Variants in CCDC171 observed in about 807,000 individuals in gnomAD.
CCDC171 encodes the protein coiled-coil domain containing 171, also known as coiled-coil domain-containing protein 171.
In CCDC171, 177 loss-of-function variants were observed where a neutral mutation model predicts 168.2. The observed-to-expected ratio is 1.05, with a 90% CI of 0.93 to 1.19. CCDC171 has a LOEUF of 1.19. Ranked by LOEUF, CCDC171 falls within the 50% of genes most tolerant of loss-of-function variation. CCDC171 has a pLI of 0.00. For missense variants in CCDC171, 1,991 were observed against 1,539.0 expected, an observed-to-expected ratio of 1.29 and a Z score of -4.91; for synonymous variants, 687 against 540.8, an observed-to-expected ratio of 1.27 and a Z score of -3.75.
rs369980872 is a variant in CCDC171, at chr9:15,948,003, G to A, written c.3754-23606G>A. 7.2e-4 allele frequency among the ~76,000 whole-genome samples: 106 copies of A among 146,778 alleles called. 3 individuals are homozygous for A. The East Asian group carries it at 0.017, about 24-fold the overall frequency. On this transcript the variant is annotated intron_variant, in intron 25 of 25. Coordinates refer to ENST00000380701, the MANE Select transcript of CCDC171 (RefSeq NM_173550.4). Reference sequence around the variant, plus strand: ...CCCCCACCCCACAACAGTCCCCACAGTGTGATGTTCCCCTTCCTGTGTCCA... The same window carrying A: ...CCCCCACCCCACAACAGTCCCCACAATGTGATGTTCCCCTTCCTGTGTCCA...
At chr9:15,696,899 C>G (rs923025057) in intron 11 of CCDC171, among the ~76,000 whole-genome samples, 10 of 152,018 alleles carry the variant, frequency 6.6e-5, no homozygotes, top group Non-Finnish European at 1.5e-4. Flanking sequence ...GGAATGTGTT[C>G]CTGCGAAAGG....
chr9:16,052,797 C>G (rs749291330), intron 1 of CCDC171, among the ~76,000 whole-genome samples: 1 of 151,818 alleles, frequency 6.6e-6, no homozygotes, highest in Non-Finnish European at 1.5e-5. Flanking sequence ...CCCAACCCAC[C>G]GCCCCCCATT....
intron 22 of CCDC171, among the ~76,000 whole-genome samples, chr9:15,847,578 G>C (rs1307726667): frequency 6.6e-6 from 1 of 151,984 alleles, no homozygotes; most frequent in Non-Finnish European, 1.5e-5. Flanking sequence ...CAACAGCATG[G>C]CTTAAAGAAA....
intron 6 of CCDC171, among the ~76,000 whole-genome samples, chr9:16,023,099 T>C (rs1457760614): frequency 1.3e-5 from 2 of 151,974 alleles, no homozygotes; most frequent in Admixed American, 6.6e-5. Flanking sequence ...TTCATTGTAT[T>C]CTTTTTTTTT....
chr9:15,842,083 C>A (rs2060703889), intron 21 of CCDC171, among the ~76,000 whole-genome samples: 1 of 151,850 alleles, frequency 6.6e-6, no homozygotes, highest in Admixed American at 6.6e-5. Context: ...CTTTTTTCCC[C>A]CTGCAAGGAA....
At chr9:15,858,431 AT>A (rs1258237232) in intron 23 of CCDC171, among the ~76,000 whole-genome samples, 1 of 152,016 alleles carries the variant, frequency 6.6e-6, no homozygotes, top group African/African-American at 2.4e-5. Context: ...GAAGTTTAGA[AT>A]TGCTTTTTCT....
intron 25 of CCDC171, among the ~76,000 whole-genome samples, chr9:15,932,395 ATTTC>A (rs1330821101): frequency 6.6e-6 from 1 of 151,510 alleles, no homozygotes; most frequent in Non-Finnish European, 1.5e-5. Flanking sequence ...TGTTTTCTTT[ATTTC>A]TTTTTCAGAT....
At chr9:15,596,016 T>A (rs1204748539) in intron 6 of CCDC171, among the ~76,000 whole-genome samples, 4 of 152,210 alleles carry the variant, frequency 2.6e-5, no homozygotes, top group Admixed American at 1.3e-4. Flanking sequence ...GTAAATTTGT[T>A]TGAGTTCTTT....
chr9:15,839,999 A>T (rs1356321621), intron 21 of CCDC171, among the ~76,000 whole-genome samples: 3 of 152,102 alleles, frequency 2.0e-5, no homozygotes, highest in Non-Finnish European at 4.4e-5. Context: ...ATTGAATTTT[A>T]TTGAGTTGGT....
At chr9:16,060,586 CT>C (rs1022033281) in intron 1 of CCDC171, 1 of 152,276 alleles carries the variant, frequency 6.6e-6, no homozygotes, top group Admixed American at 6.5e-5. Context: ...CTTTGCCCTT[CT>C]GTGTCAGCCC....
In CCDC171 at chr9:15,726,724, C is replaced by T. The variant is rs994441868; in HGVS notation, c.1693-1145C>T. ...ATAATTTCTAATTATAAAACTTTTA[C>T]ATATGCTATATTCAGTTTTTTAAAA... On this transcript the variant is annotated intron_variant, in intron 14 of 25. Transcript: ENST00000380701. 9.0e-4 allele frequency among the ~76,000 whole-genome samples: 137 copies of T among 152,172 alleles called. 1 individual carries two copies. Among genetic ancestry groups the T allele is most frequent in the African/African-American group, 2.6e-3 (107 of 41,552 alleles).
intron 3 of CCDC171, among the ~76,000 whole-genome samples, chr9:15,983,273 G>C (rs1368800396): frequency 6.6e-6 from 1 of 151,988 alleles, no homozygotes; most frequent in Non-Finnish European, 1.5e-5. Context: ...CAGCCACAGA[G>C]AACTGGAAAC....
intron 25 of CCDC171, among the ~76,000 whole-genome samples, chr9:15,951,930 A>C (rs958886419): frequency 1.3e-5 from 2 of 152,054 alleles, no homozygotes; most frequent in Non-Finnish European, 2.9e-5. Flanking sequence ...AATTCCACAA[A>C]TCTTTGCCAA....
At chr9:15,906,873 C>T (rs913658124) in intron 24 of CCDC171, among the ~76,000 whole-genome samples, 3 of 151,948 alleles carry the variant, frequency 2.0e-5, no homozygotes, top group Non-Finnish European at 4.4e-5. Context: ...TTCTTATACA[C>T]CAATAACAGA....
chr9:15,798,627 C>G (rs1401140761), intron 21 of CCDC171, among the ~76,000 whole-genome samples: 1 of 152,022 alleles, frequency 6.6e-6, no homozygotes. Context: ...ACCCACAGGT[C>G]AAGTGTAGCC....
chr9:15,780,774 ATTAT>A (rs1400572717), intron 20 of CCDC171, among the ~76,000 whole-genome samples: 4 of 152,180 alleles, frequency 2.6e-5, no homozygotes, highest in Non-Finnish European at 4.4e-5. Flanking sequence ...CTGTCATTTA[ATTAT>A]TAATTTCATT....
intron 25 of CCDC171, among the ~76,000 whole-genome samples, chr9:15,964,499 C>G (rs529136900): frequency 1.7e-4 from 26 of 152,222 alleles, no homozygotes; most frequent in Admixed American, 1.6e-3. Context: ...TTTGCATTTT[C>G]TGGCCATTTC....
intron 7 of CCDC171, among the ~76,000 whole-genome samples, chr9:15,632,836 A>G (rs200522905): frequency 1.2e-4 from 19 of 152,242 alleles, no homozygotes; most frequent in Non-Finnish European, 2.1e-4. Flanking sequence ...ATAGATCAAT[A>G]GAACAGAACA....
At chr9:15,916,728 G>A (rs185171638) in intron 24 of CCDC171, among the ~76,000 whole-genome samples, 2 of 151,992 alleles carry the variant, frequency 1.3e-5, no homozygotes, top group East Asian at 3.9e-4. Flanking sequence ...TCTAATGCAC[G>A]TACACTTTTA....
Sources: gnomAD v4.1 joint callset for allele counts (sites outside exome capture counted in the v4.1 genomes callset) on GRCh38, gnomAD v4.1.1 for gene constraint, MANE v1.5 for transcripts, NCBI Gene and HGNC (gene_info 2026-07-23, HGNC 2026-07-21) for gene names.